The following BICC1 variants were observed in gnomAD, a reference collection of about 807,000 sequenced individuals.
The protein encoded by BICC1 is protein bicaudal C homolog 1.
In BICC1, 43 loss-of-function variants were observed where a neutral mutation model predicts 111.0. The observed-to-expected ratio is 0.39, with a 90% CI of 0.30 to 0.50. The LOEUF is 0.50. BICC1 is among the 20% of genes least tolerant of loss of function. BICC1 has a pLI of 0.88. For synonymous variants in BICC1, 467 were observed against 434.4 expected (o/e 1.07, Z -0.93); for missense variants, 1,091 against 1,203.2 (o/e 0.91, Z 1.38).
chr10:58,769,984 A>G (rs1842579100), intron 3 of BICC1, among the ~76,000 whole-genome samples: 2 of 152,118 alleles, frequency 1.3e-5, no homozygotes, highest in South Asian at 4.1e-4. Context: ...TATCTTTATT[A>G]TATGTTCAGT....
chr10:58,819,064 T>C (rs1424032228), intron 19 of BICC1, among the ~76,000 whole-genome samples: 1 of 152,206 alleles, frequency 6.6e-6, no homozygotes. Flanking sequence ...CTGTGGTCTG[T>C]AGGCCAACTG....
At chr10:58,523,063 T>C (rs1842435366) in intron 1 of BICC1, among the ~76,000 whole-genome samples, 1 of 152,122 alleles carries the variant, frequency 6.6e-6, no homozygotes, top group African/African-American at 2.4e-5. Flanking sequence ...CAATAATTAA[T>C]AGCTTACCAA....
intron 18 of BICC1, 98 bp downstream of exon 18, chr10:58,814,084 G>A: frequency 7.3e-7 from 1 of 1,373,440 alleles, no homozygotes; most frequent in Non-Finnish European, 1.0e-6. Context: ...CTGACTTCAA[G>A]TGCTTGGTGT....
chr10:58,622,118 A>G (rs1039374706), intron 2 of BICC1, among the ~76,000 whole-genome samples: 1 of 144,130 alleles, frequency 6.9e-6, no homozygotes, highest in Admixed American at 6.9e-5. Flanking sequence ...GGAAGTTGAG[A>G]CTGCAGTGAG....
At chr10:58,612,658 A>G (rs551095990) in intron 1 of BICC1, among the ~76,000 whole-genome samples, 1 of 151,846 alleles carries the variant, frequency 6.6e-6, no homozygotes, top group African/African-American at 2.4e-5. Context: ...TTGAAGAATT[A>G]TATCTCAATT....
At chr10:58,772,307 AAAC>A (rs1842641281) in intron 3 of BICC1, among the ~76,000 whole-genome samples, 1 of 152,108 alleles carries the variant, frequency 6.6e-6, no homozygotes, top group Middle Eastern at 3.2e-3. Flanking sequence ...AGCAAGAGTT[AAAC>A]AACAATTAGA....
chr10:58,569,461 A>G (rs1589107018), intron 1 of BICC1, among the ~76,000 whole-genome samples: 2 of 152,272 alleles, frequency 1.3e-5, no homozygotes, highest in South Asian at 4.2e-4. Context: ...TTACTTAGGT[A>G]TACACATGAC....
intron 1 of BICC1, among the ~76,000 whole-genome samples, chr10:58,555,368 T>G (rs558491963): frequency 1.4e-5 from 2 of 143,448 alleles, no homozygotes; most frequent in East Asian, 4.2e-4. Context: ...GCAGCAATAC[T>G]AAATGTTGCA....
chr10:58,692,574 A>G (rs1205190807), intron 2 of BICC1, among the ~76,000 whole-genome samples: 5 of 152,224 alleles, frequency 3.3e-5, no homozygotes, highest in Admixed American at 6.5e-5. Flanking sequence ...AGTACACTCT[A>G]TTTAAATGTT....
At chr10:58,736,246 A>G (rs1283863909) in intron 3 of BICC1, among the ~76,000 whole-genome samples, 3 of 152,190 alleles carry the variant, frequency 2.0e-5, no homozygotes, top group Admixed American at 6.5e-5. Flanking sequence ...ATTACAATAC[A>G]CTAGCCACTG....
intron 1 of BICC1, among the ~76,000 whole-genome samples, chr10:58,545,594 C>T (rs1199480955): frequency 2.6e-5 from 4 of 152,214 alleles, no homozygotes; most frequent in South Asian, 2.1e-4. Flanking sequence ...CTCAAAATTG[C>T]GCACATGGGA....
chr10:58,748,321 A>G (rs1242457975), intron 3 of BICC1, among the ~76,000 whole-genome samples: 1 of 152,092 alleles, frequency 6.6e-6, no homozygotes, highest in African/African-American at 2.4e-5. Flanking sequence ...AAGAAAGAAT[A>G]TATAGTATAA....
intron 1 of BICC1, among the ~76,000 whole-genome samples, chr10:58,614,116 C>T (rs902545430): frequency 1.3e-5 from 2 of 152,100 alleles, no homozygotes; most frequent in African/African-American, 4.8e-5. Context: ...GAGAAGTAGA[C>T]TCTCAAATTT....
At chr10:58,747,321 A>AT (rs1323397831) in intron 3 of BICC1, among the ~76,000 whole-genome samples, 4 of 152,084 alleles carry the variant, frequency 2.6e-5, no homozygotes, top group Admixed American at 1.3e-4. Context: ...CCTTTCCTTA[A>AT]TTGTCCATTT....
At chr10:58,579,792 A>G (rs1844224486) in intron 1 of BICC1, among the ~76,000 whole-genome samples, 1 of 152,158 alleles carries the variant, frequency 6.6e-6, no homozygotes, top group Non-Finnish European at 1.5e-5. Context: ...AGGGAGTATG[A>G]TTAGAAAGGT....
intron 1 of BICC1, among the ~76,000 whole-genome samples, chr10:58,596,279 A>T (rs1168454967): frequency 6.6e-6 from 1 of 152,208 alleles, no homozygotes; most frequent in East Asian, 1.9e-4. Context: ...AATAAATGTA[A>T]TCCATCACAT....
intron 14 of BICC1, among the ~76,000 whole-genome samples, 174 bp from the exon 15 acceptor site, chr10:58,802,903 C>T (rs1457776811): frequency 1.3e-5 from 2 of 152,186 alleles, no homozygotes; most frequent in African/African-American, 2.4e-5. Flanking sequence ...CCTTCATCCA[C>T]AAAGTGGGGA....
At chr10:58,613,767 GC>G (rs1783899458) in intron 1 of BICC1, among the ~76,000 whole-genome samples, 3 of 152,142 alleles carry the variant, frequency 2.0e-5, no homozygotes, top group African/African-American at 7.2e-5. Context: ...TGGGAAAGTT[GC>G]TAGGAGAACT....
At chr10:58,792,545 C>G (rs1241509199) in intron 8 of BICC1, among the ~76,000 whole-genome samples, 2 of 152,124 alleles carry the variant, frequency 1.3e-5, no homozygotes, top group African/African-American at 4.8e-5. Context: ...TGAGCTCCAC[C>G]TCCTGTGAGA....
Sources: allele counts gnomAD v4.1 joint callset (sites outside exome capture counted in the v4.1 genomes callset), GRCh38; gene constraint gnomAD v4.1.1; transcripts MANE v1.5; gene names NCBI Gene and HGNC (gene_info 2026-07-23, HGNC 2026-07-21).